Variants in EXOC4 observed in about 807,000 individuals in gnomAD.
EXOC4 encodes SEC8-like 1.
Under a neutral mutation model 107.2 loss-of-function variants are expected in EXOC4, and 71 were observed. The observed-to-expected ratio is 0.66, with a 90% CI of 0.55 to 0.81. The LOEUF is 0.81. Among genes scored for constraint, EXOC4 ranks in the 30% least tolerant of loss-of-function variants. The pLI, the probability that EXOC4 is intolerant of heterozygous loss-of-function variation, is 0.00. For synonymous variants in EXOC4, 456 were observed against 441.2 expected (o/e 1.03, Z -0.42); for missense variants, 1,108 against 1,189.6 (o/e 0.93, Z 1.01).
intron 14 of EXOC4, among the ~76,000 whole-genome samples, chr7:133,942,911 C>T (rs888072584): frequency 2.0e-5 from 3 of 152,126 alleles, no homozygotes; most frequent in Non-Finnish European, 4.4e-5. Flanking sequence ...TTGCCACTCT[C>T]TATTTTTGTT....
rs146677121 is a variant in EXOC4 at position 133,481,507 on chromosome 7, C to A, written c.1417+1369C>A. On this transcript the variant is annotated intron_variant, in intron 9 of 17. Transcript: ENST00000253861. ...AAAACACTATGAAGTAACCACTCAA[C>A]CTTTCTTGATTTAAAGACTATTGCC... Among the ~76,000 whole-genome samples, 743 of 152,298 alleles carry A rather than the reference C, an allele frequency of 4.9e-3. 8 individuals carry two copies. The highest frequency in any genetic ancestry group is 0.017 in the African/African-American group (706 of 41,544).
chr7:133,407,582 A>G (rs1797251259), intron 7 of EXOC4, among the ~76,000 whole-genome samples: 2 of 152,240 alleles, frequency 1.3e-5, no homozygotes, highest in Admixed American at 6.5e-5. Context: ...ATGTTTAAAT[A>G]AGCTATGAAG....
intron 12 of EXOC4, among the ~76,000 whole-genome samples, chr7:133,910,413 C>T (rs1287747076): frequency 6.6e-6 from 1 of 152,194 alleles, no homozygotes; most frequent in Admixed American, 6.5e-5. Context: ...CCTTGGTCCT[C>T]TTGGATGGTT....
chr7:133,393,546 T>A (rs1477753402), intron 7 of EXOC4, among the ~76,000 whole-genome samples: 1 of 152,088 alleles, frequency 6.6e-6, no homozygotes, highest in Non-Finnish European at 1.5e-5. Flanking sequence ...CAGTCCCCAA[T>A]GTGATGGTAT....
At chr7:133,381,613 G>C (rs1306652792) in intron 7 of EXOC4, among the ~76,000 whole-genome samples, 1 of 152,148 alleles carries the variant, frequency 6.6e-6, no homozygotes, top group Non-Finnish European at 1.5e-5. Flanking sequence ...TGAAAAGCTT[G>C]GATAGGTAGA....
chr7:133,277,778 A>G (rs1231632665), intron 2 of EXOC4, among the ~76,000 whole-genome samples: 3 of 152,220 alleles, frequency 2.0e-5, no homozygotes, highest in African/African-American at 7.2e-5. Flanking sequence ...AGGGGGGAGA[A>G]TGAAAATGAA....
At chr7:133,475,283 T>A (rs893242642) in intron 7 of EXOC4, 45 bp from the exon 8 acceptor site, 2 of 1,502,096 alleles carry the variant, frequency 1.3e-6, no homozygotes, top group African/African-American at 1.4e-5. Flanking sequence ...AATTGCACAT[T>A]AAAAATGTGT....
intron 10 of EXOC4, among the ~76,000 whole-genome samples, chr7:133,664,956 G>A (rs1793779155): frequency 6.6e-6 from 1 of 152,110 alleles, no homozygotes; most frequent in African/African-American, 2.4e-5. Flanking sequence ...GTAAGTACAT[G>A]CATTTTGGCT....
chr7:133,562,904 C>G (rs1326959837), intron 9 of EXOC4, among the ~76,000 whole-genome samples: 2 of 152,120 alleles, frequency 1.3e-5, no homozygotes, highest in African/African-American at 4.8e-5. Context: ...TGAATACTAT[C>G]CTAATTAATT....
At chr7:133,609,830 C>T (rs1033803552) in intron 9 of EXOC4, among the ~76,000 whole-genome samples, 6 of 152,144 alleles carry the variant, frequency 3.9e-5, no homozygotes, top group South Asian at 2.1e-4. Flanking sequence ...GAATTGGCCA[C>T]GATGGGTGTA....
At chr7:133,694,484 GAAAC>G (rs1794489628) in intron 10 of EXOC4, among the ~76,000 whole-genome samples, 1 of 152,152 alleles carries the variant, frequency 6.6e-6, no homozygotes, top group African/African-American at 2.4e-5. Context: ...CAACCTAAAA[GAAAC>G]AGAGTTGTTT....
chr7:133,643,290 A>G (rs1429681463), intron 10 of EXOC4, among the ~76,000 whole-genome samples: 1 of 150,626 alleles, frequency 6.6e-6, no homozygotes, highest in Non-Finnish European at 1.5e-5. Flanking sequence ...GCATGGGAGA[A>G]GATGTAGGCT....
chr7:133,679,522 C>T (rs919141510), intron 10 of EXOC4, among the ~76,000 whole-genome samples: 4 of 130,766 alleles, frequency 3.1e-5, no homozygotes, highest in Admixed American at 7.8e-5. Flanking sequence ...CTTGCTACTG[C>T]CCCATCCATC....
At chr7:133,899,823 G>C (rs1350491270) in intron 12 of EXOC4, among the ~76,000 whole-genome samples, 1 of 141,452 alleles carries the variant, frequency 7.1e-6, no homozygotes, top group Non-Finnish European at 1.5e-5. Flanking sequence ...TTGGCTCACT[G>C]CAGCCTCTGC....
intron 10 of EXOC4, among the ~76,000 whole-genome samples, chr7:133,639,028 G>A (rs1802782325): frequency 6.6e-6 from 1 of 152,174 alleles, no homozygotes. Context: ...CCCAAAATGT[G>A]CTTATTCAGC....
At chr7:133,866,403 G>A (rs1037618719) in intron 11 of EXOC4, among the ~76,000 whole-genome samples, 3 of 152,096 alleles carry the variant, frequency 2.0e-5, no homozygotes, top group Non-Finnish European at 4.4e-5. Flanking sequence ...ATGTTTGGGG[G>A]CAGGGAACTA....
chr7:133,721,740 T>A (rs968385841), intron 10 of EXOC4, among the ~76,000 whole-genome samples: 2 of 152,154 alleles, frequency 1.3e-5, no homozygotes, highest in Admixed American at 1.3e-4. Context: ...CCATGTGTCA[T>A]GAACAGAGGC....
intron 10 of EXOC4, among the ~76,000 whole-genome samples, chr7:133,766,893 A>G (rs533230696): frequency 6.6e-6 from 1 of 151,936 alleles, no homozygotes; most frequent in Non-Finnish European, 1.5e-5. Flanking sequence ...CTCCCAGTGG[A>G]GTTGAGTCTT....
At chr7:133,571,789 T>A (rs1801029556) in intron 9 of EXOC4, among the ~76,000 whole-genome samples, 1 of 152,082 alleles carries the variant, frequency 6.6e-6, no homozygotes, top group South Asian at 2.1e-4. Context: ...AGCTGCATTC[T>A]CCAGTGAGGA....
Sources: allele counts gnomAD v4.1 joint callset (sites outside exome capture counted in the v4.1 genomes callset), GRCh38; gene constraint gnomAD v4.1.1; transcripts MANE v1.5; gene names NCBI Gene and HGNC (gene_info 2026-07-23, HGNC 2026-07-21).